PITRM1: variants seen among roughly 807,000 people sequenced by gnomAD.
The protein encoded by PITRM1 is pitrilysin metallopeptidase 1, also known as presequence protease, mitochondrial.
A neutral mutation model predicts 129.9 loss-of-function variants in PITRM1; 100 were observed. That is an observed-to-expected ratio of 0.77 (90% CI 0.65 to 0.91). PITRM1 has a LOEUF of 0.91. PITRM1 is among the 40% of genes least tolerant of loss of function. PITRM1 has a pLI of 0.00. For synonymous variants in PITRM1, 591 were observed against 508.8 expected (o/e 1.16, Z -2.17); for missense variants, 1,471 against 1,318.3 (o/e 1.12, Z -1.79).
At position 3,163,839 on chromosome 10, in the gene PITRM1, A is replaced by G. The variant is rs751468958; in HGVS notation, c.677T>C (p.Leu226Pro). 5 of 1,612,382 alleles carry G rather than the reference A, an allele frequency of 3.1e-6. No individual in the cohort carries two copies. Among genetic ancestry groups the G allele is most frequent in the Non-Finnish European group, 1.7e-6 (2 of 1,178,912 alleles). ...IFSQHLQNRL[L>P]PDHTYSVVSG... ...GACCACTGAGTACGTGTGGTCAGGA[A>G]GAAGTCTGTTCTGAAGGTGCTGGGA... The change falls in exon 7 of 27, where the codon CTT becomes CCT. Residue 226 changes from leucine (L) to proline (P), a missense_variant. Physicochemically the swap from Leu to Pro is moderately conservative, Grantham distance 98 (BLOSUM62 -3). Transcript: ENST00000224949.
Position 3,138,284 on chromosome 10 carries a change from C to T in PITRM1, c.2971G>A (p.Glu991Lys), listed in dbSNP as rs1344088649. The change falls in exon 26 of 27, where the codon GAG becomes AAG. Residue 991 changes from glutamate (E) to lysine (K), a missense_variant. Coordinates refer to ENST00000224949, the MANE Select transcript of PITRM1 (RefSeq NM_014889.4). ...TCGTGGCTGACAGCAAAGAGCTGCT[C>T]TCTGTGGGCCTGCTTCATCTCATCC... is the stretch of plus-strand genomic sequence containing the variant. ...LSDEMKQAHR[E>K]QLFAVSHDKL... 3 of 1,613,930 alleles carry T rather than the reference C, an allele frequency of 1.9e-6. No homozygotes were observed. The highest frequency in any genetic ancestry group is 4.5e-5 in the East Asian group (2 of 44,884).
At chr10:3,143,142 G>A in intron 23 of PITRM1, 1 of 521,676 alleles carries the variant, frequency 1.9e-6, no homozygotes, top group East Asian at 3.4e-5. Context: ...ATAGGTATCT[G>A]TATTGTTCAT....
intron 23 of PITRM1, among the ~76,000 whole-genome samples, chr10:3,142,165 G>C (rs191636949): frequency 6.6e-6 from 1 of 152,194 alleles, no homozygotes; most frequent in Non-Finnish European, 1.5e-5. Context: ...TCTTCTGCCG[G>C]CATAGCAGAC....
At position 3,159,950 on chromosome 10, in the gene PITRM1, T is replaced by C. The variant is rs1315324388; in HGVS notation, c.919-14A>G. 2 of 1,552,132 alleles carry C rather than the reference T, an allele frequency of 1.3e-6. No homozygotes were observed. The highest frequency in any genetic ancestry group is 4.6e-5 in the East Asian group (2 of 43,552). ...CTGGAATTCCCTCTGTAAAATGACG[T>C]GACGTTGTGAGTAGGCACAGTGTCT... On this transcript the variant is annotated splice_polypyrimidine_tract_variant and intron_variant, in intron 8 of 26. Transcript: ENST00000224949.
chr10:3,139,158 T>C, intron 24 of PITRM1, 109 bp from the exon 25 acceptor site: 1 of 907,838 alleles, frequency 1.1e-6, no homozygotes, highest in South Asian at 1.5e-5. Flanking sequence ...AACAGCTCTA[T>C]TTTATATCTG....
At position 3,164,168 on chromosome 10, in the gene PITRM1, C is replaced by T. The variant is rs190399577; in HGVS notation, c.631-283G>A. ...AAACGCATAGCTGAGGGCTGTAAATCGGGATGGATCAGTCGGTCTGCCCAC... is the reference window on the plus strand; with the variant it reads ...AAACGCATAGCTGAGGGCTGTAAATTGGGATGGATCAGTCGGTCTGCCCAC... On this transcript the variant is annotated intron_variant, in intron 6 of 26. Transcript: ENST00000224949. 8.2e-4 allele frequency: 155 copies of T among 188,234 alleles called. 1 individual carries two copies. The highest frequency in any genetic ancestry group is 7.0e-3 in the South Asian group (49 of 7,014). 11.7% of individuals were successfully genotyped at this position (188,234 alleles called of 1,614,324 possible).
Position 3,147,437 on chromosome 10 carries a change from C to A in PITRM1, c.2235+135G>T, listed in dbSNP as rs143032647. The stretch of plus-strand genomic sequence containing the variant: ...AGGAAGATGAGTCAAAACCAACCAA[C>A]CAATTCTTCCCCATATTTAGTCAGT... On this transcript the variant is annotated intron_variant, in intron 19 of 26. Coordinates refer to ENST00000224949, the MANE Select transcript of PITRM1 (RefSeq NM_014889.4). 2.1e-3 allele frequency: 2,380 copies of A among 1,132,772 alleles called. 16 individuals are homozygous for A. Among genetic ancestry groups the A allele is most frequent in the African/African-American group, 0.017 (1,120 of 65,662 alleles). 70.2% of individuals were successfully genotyped at this position (1,132,772 alleles called of 1,614,324 possible).
intron 25 of PITRM1, chr10:3,138,569 G>C: frequency 3.3e-6 from 2 of 604,340 alleles, no homozygotes; most frequent in Admixed American, 2.8e-5. Flanking sequence ...TCAGCGCCGC[G>C]TGAGGCTGAT....
chr10:3,168,871 G>C (rs1312329815), intron 2 of PITRM1, among the ~76,000 whole-genome samples: 2 of 121,442 alleles, frequency 1.6e-5, no homozygotes, highest in Admixed American at 8.3e-5. Context: ...AGGATTGCTT[G>C]AACCCAGGAG....
chr10:3,172,587 C>T, intron 1 of PITRM1, 130 bp downstream of exon 1: 6 of 815,634 alleles, frequency 7.4e-6, no homozygotes, highest in Non-Finnish European at 1.1e-5. Context: ...GCTCGGGGTG[C>T]GGGACGCCCA....
intron 23 of PITRM1, 135 bp from the exon 24 acceptor site, chr10:3,140,947 G>T: frequency 2.4e-6 from 2 of 842,994 alleles, no homozygotes; most frequent in Non-Finnish European, 3.7e-6. Context: ...CCATATTTTG[G>T]TCTTGTTTTT....
intron 1 of PITRM1, among the ~76,000 whole-genome samples, chr10:3,172,383 G>C (rs905741727): frequency 5.9e-5 from 9 of 152,218 alleles, no homozygotes; most frequent in Non-Finnish European, 1.3e-4. Flanking sequence ...AATGAACTAG[G>C]AGCAAAGCTG....
At chr10:3,141,674 G>C (rs537601967) in intron 23 of PITRM1, 3 of 470,648 alleles carry the variant, frequency 6.4e-6, no homozygotes, top group African/African-American at 2.0e-5. Context: ...ACAGACACAG[G>C]CTCCTTGAAG....
intron 24 of PITRM1, among the ~76,000 whole-genome samples, chr10:3,139,598 A>G (rs1309904119): frequency 6.6e-6 from 1 of 152,160 alleles, no homozygotes; most frequent in East Asian, 1.9e-4. Context: ...CAGCACAGCA[A>G]GGGGGAGAAC....
At chr10:3,155,155 CCT>C (rs1588679998) in intron 14 of PITRM1, among the ~76,000 whole-genome samples, 1 of 152,284 alleles carries the variant, frequency 6.6e-6, no homozygotes, top group East Asian at 1.9e-4. Context: ...CTCCACCATC[CCT>C]GTGTGCCTCA....
Position 3,165,462 on chromosome 10 carries a change from C to T in PITRM1, c.484G>A (p.Val162Met). The T allele has an allele frequency of 6.2e-7, 1 of 1,613,622 alleles. No individual in the cohort carries two copies. The highest frequency in any genetic ancestry group is 8.5e-7 in the Non-Finnish European group (1 of 1,179,756). The change falls in exon 5 of 27, where the codon GTG becomes ATG. Residue 162 changes from valine to methionine, a missense_variant. Coordinates refer to ENST00000224949, the MANE Select transcript of PITRM1 (RefSeq NM_014889.4). ...GGGAAAAAGGTGGCATCCAAATACA[C>T]CGAGAGGAGATTCTGAAAGTCCTTG... Reference protein sequence around the residue: ...NPKDFQNLLSVYLDATFFPCL... With the variant: ...NPKDFQNLLSMYLDATFFPCL...
Position 3,143,485 on chromosome 10 carries a change from G to A in PITRM1, c.2549C>T (p.Pro850Leu), listed in dbSNP as rs761856858. 3 of 1,612,642 alleles carry A rather than the reference G, an allele frequency of 1.9e-6. No homozygotes were observed. Among genetic ancestry groups the A allele is most frequent in the South Asian group, 1.1e-5 (1 of 91,066 alleles). The part of the protein sequence containing the change: ...RKLVMEPTFK[P>L]WQMKTHFLMP... ...CAGGAAGTGAGTCTTCATCTGCCAG[G>A]GCTTGAAGGTGGGTTCCTGAGGGAC... The change falls in exon 23 of 27, where the codon CCC becomes CTC. Residue 850 changes from proline to leucine, a missense_variant. Transcript: ENST00000224949.
chr10:3,149,152 G>A (rs1398479461), intron 16 of PITRM1: 1 of 153,046 alleles, frequency 6.5e-6, no homozygotes, highest in Non-Finnish European at 1.5e-5. Context: ...GGCCACGGCA[G>A]AGCTGGGCAA....
intron 7 of PITRM1, among the ~76,000 whole-genome samples, chr10:3,161,690 C>T (rs925261266): frequency 5.9e-5 from 9 of 151,650 alleles, no homozygotes; most frequent in African/African-American, 1.7e-4. Flanking sequence ...GGGGTGGGGG[C>T]GTAGAAACCA....
Sources: gnomAD v4.1 joint callset for allele counts (sites outside exome capture counted in the v4.1 genomes callset) on GRCh38, gnomAD v4.1.1 for gene constraint, MANE v1.5 for transcripts, NCBI Gene and HGNC (gene_info 2026-07-23, HGNC 2026-07-21) for gene names.